RBBP8: variants seen among roughly 807,000 people sequenced by gnomAD.
The protein encoded by RBBP8 is RB binding protein 8, endonuclease.
Under a neutral mutation model 108.3 loss-of-function variants are expected in RBBP8, and 88 were observed. The ratio of observed to expected loss-of-function variants is 0.81; its 90% CI spans 0.68 to 0.97. The LOEUF is 0.97. RBBP8 is among the 50% of genes least tolerant of loss of function. The pLI, the probability that RBBP8 is intolerant of heterozygous loss-of-function variation, is 0.00. For missense variants in RBBP8, 1,023 were observed against 1,049.0 expected (o/e 0.98, Z 0.34); for synonymous variants, 332 against 348.2 (o/e 0.95, Z 0.52).
chr18:22,947,414 A>T (rs3829629), intron 3 of RBBP8, among the ~76,000 whole-genome samples: 3 of 151,610 alleles, frequency 2.0e-5, no homozygotes, highest in South Asian at 2.1e-4. Context: ...TAATGAAAAA[A>T]TTGTTGAATG....
chr18:22,954,689 G>A (rs1042316086), intron 4 of RBBP8, among the ~76,000 whole-genome samples: 3 of 152,172 alleles, frequency 2.0e-5, no homozygotes, highest in African/African-American at 7.2e-5. Flanking sequence ...CAGTGTCCCA[G>A]TGGGGACTGT....
intron 3 of RBBP8, among the ~76,000 whole-genome samples, chr18:22,948,169 C>T (rs1911733479): frequency 6.6e-6 from 1 of 151,772 alleles, no homozygotes; most frequent in South Asian, 2.1e-4. Context: ...TGTAAATTTT[C>T]AATGTAATAT....
intron 15 of RBBP8, among the ~76,000 whole-genome samples, chr18:23,004,178 C>A (rs533896590): frequency 1.3e-5 from 2 of 151,468 alleles, no homozygotes; most frequent in African/African-American, 4.8e-5. Context: ...TCTGCACTCA[C>A]GTTTATTGCA....
intron 13 of RBBP8, among the ~76,000 whole-genome samples, chr18:22,997,393 G>A (rs2045877893): frequency 1.3e-5 from 2 of 152,156 alleles, no homozygotes; most frequent in Admixed American, 6.6e-5. Flanking sequence ...TTCCTTGGCA[G>A]CAGTCCTTCT....
At chr18:22,965,212 A>T (rs1484101057) in intron 4 of RBBP8, among the ~76,000 whole-genome samples, 1 of 150,564 alleles carries the variant, frequency 6.6e-6, no homozygotes, top group Non-Finnish European at 1.5e-5. Context: ...TTCTTTTTTT[A>T]ATGTTTTGTT....
chr18:22,949,377 T>G (rs1004825091), intron 3 of RBBP8, among the ~76,000 whole-genome samples: 3 of 152,146 alleles, frequency 2.0e-5, no homozygotes, highest in African/African-American at 7.2e-5. Flanking sequence ...TAATGTACAT[T>G]TTGATAGCTA....
At chr18:22,956,696 TTAG>T (rs1363978239) in intron 4 of RBBP8, among the ~76,000 whole-genome samples, 2 of 152,208 alleles carry the variant, frequency 1.3e-5, no homozygotes, top group African/African-American at 4.8e-5. Context: ...AAAGCAATTC[TTAG>T]TATGTTAATG....
intron 3 of RBBP8, among the ~76,000 whole-genome samples, chr18:22,928,106 C>A (rs1051936382): frequency 1.3e-5 from 2 of 149,360 alleles, no homozygotes; most frequent in African/African-American, 5.0e-5. Context: ...GAGACTGAGG[C>A]ATGAGGATTG....
chr18:22,990,532 G>A (rs975214274), intron 9 of RBBP8, among the ~76,000 whole-genome samples: 1 of 149,586 alleles, frequency 6.7e-6, no homozygotes, highest in African/African-American at 2.4e-5. Context: ...TTTTCATTGT[G>A]GTGAAATTAA....
intron 1 of RBBP8, among the ~76,000 whole-genome samples, chr18:22,914,610 C>A (rs1268935105): frequency 6.6e-6 from 1 of 152,086 alleles, no homozygotes; most frequent in African/African-American, 2.4e-5. Flanking sequence ...TACATTAAGC[C>A]ATCTACTTCC....
intron 3 of RBBP8, among the ~76,000 whole-genome samples, chr18:22,918,212 A>G (rs1427819697): frequency 6.6e-6 from 1 of 152,226 alleles, no homozygotes; most frequent in Non-Finnish European, 1.5e-5. Flanking sequence ...AGAAAGCGTG[A>G]CATGGATAAT....
chr18:23,021,547 GTTCT>G (rs1299647732), intron 17 of RBBP8, among the ~76,000 whole-genome samples: 2 of 152,164 alleles, frequency 1.3e-5, no homozygotes, highest in African/African-American at 2.4e-5. Context: ...TGAAGTTCAA[GTTCT>G]TTGTTTTCAC....
At chr18:22,981,062 T>TC (rs71161351) in intron 6 of RBBP8, among the ~76,000 whole-genome samples, 100,883 of 144,678 alleles carry the variant, frequency 0.7, 35,359 homozygotes, top group Middle Eastern at 0.84. Context: ...AAGCTCCGAC[T>TC]CTGGGTTCAC....
At chr18:22,967,183 A>G (rs921289446) in intron 4 of RBBP8, among the ~76,000 whole-genome samples, 3 of 152,042 alleles carry the variant, frequency 2.0e-5, no homozygotes, top group African/African-American at 7.2e-5. Flanking sequence ...TGGCTAACTC[A>G]GTGAAACCCC....
intron 16 of RBBP8, among the ~76,000 whole-genome samples, chr18:23,007,834 T>G (rs2046083834): frequency 6.6e-6 from 1 of 150,644 alleles, no homozygotes; most frequent in African/African-American, 2.4e-5. Flanking sequence ...TTTTTTGAAA[T>G]GGAGTTTCGC....
chr18:23,004,636 T>TC (rs1202133212), intron 15 of RBBP8: 5 of 151,682 alleles, frequency 3.3e-5, no homozygotes, highest in Non-Finnish European at 7.4e-5. Flanking sequence ...GCCTTGGAGT[T>TC]CTTGGAGTAG....
Position 22,982,277 on chromosome 18 carries a change from C to G in RBBP8, c.488C>G (p.Ser163Ter), listed in dbSNP as rs1914982279. The change falls in exon 7 of 19, where the codon TCA becomes TGA. Residue 163 changes from serine (S) to a stop codon, truncating the protein, a stop_gained. Transcript: ENST00000327155. LOFTEE classifies it high-confidence loss of function. Reference protein sequence around the residue: ...LECEEDVIPDSPITAFSFSGV... With the variant: ...LECEEDVIPD ...TGTGAGGAAGACGTTATTCCAGATT[C>G]ACCGATAACAGCCTTCTCATTTTCT... is the stretch of plus-strand genomic sequence containing the variant. 1.2e-6 allele frequency: 2 copies of G among 1,614,160 alleles called. No individual in the cohort carries two copies. The highest frequency in any genetic ancestry group is 1.7e-6 in the Non-Finnish European group (2 of 1,180,010).
chr18:23,003,809 A>G (rs1380092878), intron 15 of RBBP8, among the ~76,000 whole-genome samples: 1 of 152,186 alleles, frequency 6.6e-6, no homozygotes, highest in African/African-American at 2.4e-5. Context: ...GATTCCTCAG[A>G]AAACTAAAAA....
At chr18:22,980,465 G>A (rs754325516) in intron 6 of RBBP8, among the ~76,000 whole-genome samples, 1 of 152,118 alleles carries the variant, frequency 6.6e-6, no homozygotes, top group Non-Finnish European at 1.5e-5. Flanking sequence ...TTCCAAGCAG[G>A]TGGAACAATT....
Sources: allele counts gnomAD v4.1 joint callset (sites outside exome capture counted in the v4.1 genomes callset), GRCh38; gene constraint gnomAD v4.1.1; transcripts MANE v1.5; gene names NCBI Gene and HGNC (gene_info 2026-07-23, HGNC 2026-07-21).